The following ARHGEF17 variants were observed in gnomAD, a reference collection of about 807,000 sequenced individuals.
ARHGEF17 encodes Rho guanine nucleotide exchange factor 17.
Under a neutral mutation model 174.0 loss-of-function variants are expected in ARHGEF17, and 80 were observed. That is an observed-to-expected ratio of 0.46 (90% CI 0.38 to 0.55). The LOEUF is 0.55. ARHGEF17 is among the 20% of genes least tolerant of loss of function. The pLI is 0.00. For synonymous variants in ARHGEF17, 1,311 were observed against 1,189.1 expected (o/e 1.10, Z -2.11); for missense variants, 2,886 against 2,839.7 (o/e 1.02, Z -0.37).
rs151080372 is a variant in ARHGEF17, at chr11:73,356,231, G to T, written c.3720G>T (p.Ala1240=). 2.5e-6 allele frequency: 4 copies of T among 1,613,928 alleles called. No homozygotes were observed. The highest frequency in any genetic ancestry group is 1.6e-4 in the Middle Eastern group (1 of 6,062). Residue 1240 remains alanine, a synonymous_variant, in exon 6 of 21, where the codon GCG becomes GCT. Coordinates refer to ENST00000263674, the MANE Select transcript of ARHGEF17 (RefSeq NM_014786.4). ...CGGACCATCCACTCCTGCTGGAGGC[G>T]CAGCGGAACATCAAGCAGGTGGCTG... ...DHPDHPLLLE[A]QRNIKQVAER...
chr11:73,367,842 T>TA lies in ARHGEF17; in HGVS notation c.*63dup. ...TGCCTTCAGCCTGCTTGCCTCTCCCTAGCCCACACGCAGACTTTGACCAGG... is the reference window on the plus strand; with the variant it reads ...TGCCTTCAGCCTGCTTGCCTCTCCCTAAGCCCACACGCAGACTTTGACCAGG... On this transcript the variant is annotated 3_prime_UTR_variant, in exon 21 of 21. Coordinates refer to ENST00000263674, the MANE Select transcript of ARHGEF17 (RefSeq NM_014786.4). 1 of 1,515,020 alleles carries TA rather than the reference T, an allele frequency of 6.6e-7. No homozygotes were observed. Among genetic ancestry groups the TA allele is most frequent in the South Asian group, 1.2e-5 (1 of 82,390 alleles). The allele number at this position is 1,515,020 out of a possible 1,614,324, so 93.8% of individuals were successfully genotyped here.
Position 73,363,826 on chromosome 11 carries a change from T to C in ARHGEF17, c.5326T>C (p.Cys1776Arg). ...MKLQHAASVT[C>R]ILYLNNQVFV... The stretch of plus-strand genomic sequence containing the variant: ...GCTCCAGCATGCGGCCTCTGTGACC[T>C]GCATCTTGTAAGGCCCCAGGGTGGC... Residue 1776 changes from cysteine (C) to arginine (R), a missense_variant, in exon 16 of 21, where the codon TGC becomes CGC. Coordinates refer to ENST00000263674, the MANE Select transcript of ARHGEF17 (RefSeq NM_014786.4). 6.2e-7 allele frequency: 1 copy of C among 1,613,952 alleles called. No individual in the cohort carries two copies. Among genetic ancestry groups the C allele is most frequent in the Non-Finnish European group, 8.5e-7 (1 of 1,180,014 alleles).
chr11:73,343,957 G>A (rs560626225), intron 1 of ARHGEF17, among the ~76,000 whole-genome samples: 7 of 152,300 alleles, frequency 4.6e-5, no homozygotes, highest in African/African-American at 1.7e-4. Context: ...TGTGTGGGGC[G>A]GCTTGCCTTT....
rs761892833 is a variant in ARHGEF17, at chr11:73,367,851, C to T, written c.*71C>T. ...CCTGCTTGCCTCTCCCTAGCCCACA[C>T]GCAGACTTTGACCAGGAGTATCCAG... On this transcript the variant is annotated 3_prime_UTR_variant, in exon 21 of 21. Coordinates refer to ENST00000263674, the MANE Select transcript of ARHGEF17 (RefSeq NM_014786.4). 144 of 1,487,410 alleles carry T rather than the reference C, an allele frequency of 9.7e-5. No individual in the cohort carries two copies. Among genetic ancestry groups the T allele is most frequent in the Middle Eastern group, 1.9e-4 (1 of 5,132 alleles). The allele number at this position is 1,487,410 out of a possible 1,614,324, so 92.1% of individuals were successfully genotyped here. A position where few individuals can be genotyped will look rare whatever the true frequency, so the allele number is the denominator to read the frequency against.
chr11:73,335,169 G>A (rs1865266411), intron 1 of ARHGEF17, among the ~76,000 whole-genome samples: 1 of 152,166 alleles, frequency 6.6e-6, no homozygotes, highest in South Asian at 2.1e-4. Flanking sequence ...GGAGTTGCCA[G>A]ATTTAGCAAG....
Position 73,310,998 on chromosome 11 carries a change from C to T in ARHGEF17, c.2360C>T (p.Ser787Phe), listed in dbSNP as rs775130420. The change falls in exon 1 of 21, where the codon TCT becomes TTT. Residue 787 changes from serine (S) to phenylalanine (F), a missense_variant. Physicochemically the swap from Ser to Phe is radical, Grantham distance 155. Coordinates refer to ENST00000263674, the MANE Select transcript of ARHGEF17 (RefSeq NM_014786.4). ...TTGACCAGTGGTCACAGTGACTGGTCTGTGGGCAGTGAAGAGAGCAAGGGA... is the reference window on the plus strand; with the variant it reads ...TTGACCAGTGGTCACAGTGACTGGTTTGTGGGCAGTGAAGAGAGCAAGGGA... ...EGLTSGHSDW[S>F]VGSEESKGYQ... 1.9e-6 allele frequency: 3 copies of T among 1,614,166 alleles called. No homozygotes were observed. Among genetic ancestry groups the T allele is most frequent in the Non-Finnish European group, 2.5e-6 (3 of 1,180,020 alleles).
At chr11:73,355,691 T>G in intron 4 of ARHGEF17, 42 bp downstream of exon 4, 1 of 1,594,240 alleles carries the variant, frequency 6.3e-7, no homozygotes, top group Non-Finnish European at 8.6e-7. Context: ...GACCCTCACC[T>G]TGGGCCAGCT....
At position 73,309,317 on chromosome 11, in the gene ARHGEF17, GC is replaced by G; in HGVS notation, c.682del (p.Arg228GlyfsTer86). On this transcript the variant is annotated frameshift_variant, in exon 1 of 21. Coordinates refer to ENST00000263674, the MANE Select transcript of ARHGEF17 (RefSeq NM_014786.4). LOFTEE classifies it high-confidence loss of function. ...WHIFSQPQAG[A>X]RASCSSSSIA... is the part of the protein sequence containing the mutation. ...TATCTTCTCCCAACCGCAGGCCGGGGCCCGGGCCTCCTGCTCCTCCTCCTCC... is the reference window on the plus strand; with the variant it reads ...TATCTTCTCCCAACCGCAGGCCGGGGCCGGGCCTCCTGCTCCTCCTCCTCC... 2 of 1,602,724 alleles carry G rather than the reference GC, an allele frequency of 1.2e-6. No individual in the cohort carries two copies. The highest frequency in any genetic ancestry group is 1.5e-5 in the African/African-American group (1 of 67,508).
intron 1 of ARHGEF17, among the ~76,000 whole-genome samples, chr11:73,317,468 A>G (rs1424166020): frequency 6.6e-6 from 1 of 152,232 alleles, no homozygotes; most frequent in Non-Finnish European, 1.5e-5. Context: ...CCCAGACCGT[A>G]CATTGGTCCC....
chr11:73,327,172 T>C (rs977970611), intron 1 of ARHGEF17, among the ~76,000 whole-genome samples: 2 of 152,080 alleles, frequency 1.3e-5, no homozygotes, highest in Admixed American at 6.5e-5. Context: ...GGACAAACTG[T>C]TGGAGTGGTG....
chr11:73,323,838 T>A (rs1298271664), intron 1 of ARHGEF17, among the ~76,000 whole-genome samples: 2 of 152,240 alleles, frequency 1.3e-5, no homozygotes, highest in Admixed American at 1.3e-4. Flanking sequence ...CTGGACGTGG[T>A]GCCTGGGCAG....
intron 1 of ARHGEF17, among the ~76,000 whole-genome samples, chr11:73,312,907 G>T (rs1301895576): frequency 6.6e-6 from 1 of 152,166 alleles, no homozygotes; most frequent in Non-Finnish European, 1.5e-5. Context: ...TTAGGCTGTG[G>T]ATTCAGATGG....
intron 1 of ARHGEF17, among the ~76,000 whole-genome samples, chr11:73,313,562 C>G (rs146825099): frequency 2.0e-5 from 3 of 152,174 alleles, no homozygotes; most frequent in Admixed American, 1.3e-4. Context: ...CTCTACCCCC[C>G]ACCCCTTTCT....
rs746197997 is a variant in ARHGEF17 at position 73,328,716 on chromosome 11, GC to G, written c.3192+16891del. Among the ~76,000 whole-genome samples, 31 of 152,228 alleles carry G rather than the reference GC, an allele frequency of 2.0e-4. 3 individuals carry two copies. The highest frequency in any genetic ancestry group is 1.3e-3 in the Admixed American group (20 of 15,286). On this transcript the variant is annotated intron_variant, in intron 1 of 20. Transcript: ENST00000263674. ...TCCAAACTTGGGGCTCCAAGGCAGTGCCCCCTGTTCTCTGGTGCAGTCTTCA... is the reference window on the plus strand; with the variant it reads ...TCCAAACTTGGGGCTCCAAGGCAGTGCCCCTGTTCTCTGGTGCAGTCTTCA...
chr11:73,308,634 CCACTATGGCGGACGGGG>C lies in ARHGEF17; in HGVS notation c.-1_16del. ...GCCAGCCCCCCCGGAGTGAGTTACG[CCACTATGGCGGACGGGG>C]CACCCCGGCCCCAGCTTTACCGCAG... On this transcript the variant is annotated start_lost and 5_prime_UTR_variant, in exon 1 of 21. Transcript: ENST00000263674. 1 of 1,490,034 alleles carries C rather than the reference CCACTATGGCGGACGGGG, an allele frequency of 6.7e-7. No homozygotes were observed. Among genetic ancestry groups the C allele is most frequent in the South Asian group, 1.3e-5 (1 of 78,310 alleles). 92.3% of individuals were successfully genotyped at this position (1,490,034 alleles called of 1,614,324 possible).
chr11:73,343,296 GCAGC>G, intron 1 of ARHGEF17: 1 of 397,838 alleles, frequency 2.5e-6, no homozygotes. Context: ...AGGGGGAGGG[GCAGC>G]CAGGGACCTG....
chr11:73,347,070 G>A (rs549262041), intron 2 of ARHGEF17, 110 bp downstream of exon 2: 97 of 1,081,700 alleles, frequency 9.0e-5, no homozygotes, highest in Admixed American at 2.8e-4. Context: ...CCAGAGAGCC[G>A]TGTCCCTGGC....
Position 73,365,554 on chromosome 11 carries a change from G to A in ARHGEF17, c.5715G>A (p.Arg1905=), listed in dbSNP as rs150380242. The A allele has an allele frequency of 1.6e-5, 26 of 1,614,050 alleles. No homozygotes were observed. In the East Asian group the frequency reaches 5.1e-4, roughly 32 times the overall value. Residue 1905 remains arginine, a synonymous_variant, in exon 19 of 21, where the codon AGG becomes AGA. Coordinates refer to ENST00000263674, the MANE Select transcript of ARHGEF17 (RefSeq NM_014786.4). The surrounding 1 kb of genome is among the most constrained non-coding windows in gnomAD (Gnocchi z 4.9). Reference sequence around the variant, plus strand: ...TAGACGTCACTCCTCCCGTGCACAGGATGCTGGCAGGTACTGACCTCAAAC... The same window carrying A: ...TAGACGTCACTCCTCCCGTGCACAGAATGCTGGCAGGTACTGACCTCAAAC... ...AEVDVTPPVH[R]MLAGSDAIIR... is the part of the protein sequence containing the mutation.
chr11:73,309,561 C>T lies in ARHGEF17; in HGVS notation c.923C>T (p.Pro308Leu), dbSNP rs1182637241. Residue 308 changes from proline (P) to leucine (L), a missense_variant, in exon 1 of 21, where the codon CCT (proline) becomes CTT (leucine). This residue lies in a region of ARHGEF17 where 1,728 missense variants were observed against 1,461.2 expected (regional missense o/e 1.18). Transcript: ENST00000263674. Reference sequence around the variant, plus strand: ...TCCCTATTGGATCAGGACTGCAGGCCTGACAGTGATGGGTTAAATCTAAGC... The same window carrying T: ...TCCCTATTGGATCAGGACTGCAGGCTTGACAGTGATGGGTTAAATCTAAGC... Reference protein sequence around the residue: ...GSSLLDQDCRPDSDGLNLSSM... With the variant: ...GSSLLDQDCRLDSDGLNLSSM... 1.2e-6 allele frequency: 2 copies of T among 1,606,532 alleles called. No individual in the cohort carries two copies. The highest frequency in any genetic ancestry group is 1.1e-5 in the South Asian group (1 of 91,002).
Sources: allele counts gnomAD v4.1 joint callset (sites outside exome capture counted in the v4.1 genomes callset), GRCh38; gene constraint gnomAD v4.1.1; regional missense constraint gnomAD v4.1.1; non-coding constraint Gnocchi (gnomAD v3.1); transcripts MANE v1.5; gene names NCBI Gene and HGNC (gene_info 2026-07-23, HGNC 2026-07-21).